FRMPD2: variants seen among roughly 807,000 people sequenced by gnomAD.
FRMPD2 encodes the protein FERM and PDZ domain-containing protein 2.
FRMPD2 carries 96 observed loss-of-function variants against 140.1 expected under a neutral mutation model. That is an observed-to-expected ratio of 0.69 (90% CI 0.58 to 0.81). FRMPD2 has a LOEUF of 0.81. Among genes scored for constraint, FRMPD2 ranks in the 40% least tolerant of loss-of-function variants. The probability of loss-of-function intolerance (pLI) is 0.00; values close to 1 mark genes in which losing one functional copy is unlikely to be tolerated. For missense variants in FRMPD2, 1,240 were observed against 1,447.4 expected (o/e 0.86, Z 2.32); for synonymous variants, 449 against 547.6 (o/e 0.82, Z 2.52).
intron 10 of FRMPD2, among the ~76,000 whole-genome samples, chr10:48,227,732 CATGCGAGAAGATTTGGCTTGA>C (rs1443819555): frequency 1.3e-5 from 2 of 152,018 alleles, no homozygotes; most frequent in Non-Finnish European, 2.9e-5. Context: ...CCTATTGGTA[CATGCGAGAAGATTTGGCTTGA>C]AGGAAGAAAA....
chr10:48,205,138 A>C (rs988078264), intron 14 of FRMPD2, among the ~76,000 whole-genome samples: 1 of 152,240 alleles, frequency 6.6e-6, no homozygotes, highest in African/African-American at 2.4e-5. Flanking sequence ...TTTTCTGCGT[A>C]AGATGCTTGG....
At chr10:48,247,192 C>T (rs1338049322) in intron 3 of FRMPD2, among the ~76,000 whole-genome samples, 1 of 152,200 alleles carries the variant, frequency 6.6e-6, no homozygotes, top group East Asian at 1.9e-4. Context: ...ATATTATTTT[C>T]CAGCTCAAAG....
chr10:48,231,854 G>T (rs1296317385), intron 10 of FRMPD2, among the ~76,000 whole-genome samples: 1 of 152,194 alleles, frequency 6.6e-6, no homozygotes, highest in Non-Finnish European at 1.5e-5. Context: ...TAACTTCAGT[G>T]CCCTGAGATC....
At chr10:48,228,339 A>G (rs1839772270) in intron 10 of FRMPD2, among the ~76,000 whole-genome samples, 1 of 151,862 alleles carries the variant, frequency 6.6e-6, no homozygotes, top group Non-Finnish European at 1.5e-5. Flanking sequence ...AAAATGGTTT[A>G]TAAAATCTTT....
At chr10:48,273,456 C>G (rs1300349044) in intron 1 of FRMPD2, among the ~76,000 whole-genome samples, 1 of 152,192 alleles carries the variant, frequency 6.6e-6, no homozygotes, top group African/African-American at 2.4e-5. Context: ...GCCAAACTGC[C>G]TGCTGTTCCC....
At chr10:48,187,538 G>A (rs1286793169) in intron 16 of FRMPD2, among the ~76,000 whole-genome samples, 1 of 152,160 alleles carries the variant, frequency 6.6e-6, no homozygotes, top group Admixed American at 6.5e-5. Flanking sequence ...GGGACACTGA[G>A]GTAACTCTGG....
At chr10:48,268,291 G>A (rs534607619) in intron 1 of FRMPD2, among the ~76,000 whole-genome samples, 20 of 152,298 alleles carry the variant, frequency 1.3e-4, no homozygotes, top group African/African-American at 4.8e-4. Context: ...GGGAATGTAA[G>A]TGGTACAGCC....
At chr10:48,176,887 A>G (rs1299101639) in intron 22 of FRMPD2, among the ~76,000 whole-genome samples, 1 of 152,084 alleles carries the variant, frequency 6.6e-6, no homozygotes, top group Admixed American at 6.5e-5. Context: ...AGGGTCCAAG[A>G]AAACACATAT....
intron 15 of FRMPD2, among the ~76,000 whole-genome samples, chr10:48,200,396 G>A (rs1260339841): frequency 1.3e-5 from 2 of 152,134 alleles, no homozygotes; most frequent in East Asian, 3.9e-4. Flanking sequence ...TCTGAACTAA[G>A]CAAGTTTGAA....
chr10:48,250,659 C>T lies in FRMPD2; in HGVS notation c.151+907G>A, dbSNP rs540097205. On this transcript the variant is annotated intron_variant, in intron 2 of 28. Coordinates refer to ENST00000374201, the MANE Select transcript of FRMPD2 (RefSeq NM_001018071.4). The stretch of plus-strand genomic sequence containing the variant: ...TTGACCTCAGGTGATCCACCCGCCT[C>T]GGTCTCCCAAAGTGCTGGGATTACA... Among the ~76,000 whole-genome samples, 79 of 152,076 alleles carry T rather than the reference C, an allele frequency of 5.2e-4. No individual in the cohort carries two copies. In the South Asian group the frequency reaches 8.3e-3, roughly 16 times the overall value.
At chr10:48,262,102 TAAC>T (rs1840601888) in intron 1 of FRMPD2, among the ~76,000 whole-genome samples, 1 of 152,102 alleles carries the variant, frequency 6.6e-6, no homozygotes, top group African/African-American at 2.4e-5. Flanking sequence ...GCTATTAATC[TAAC>T]AACATCAATA....
intron 1 of FRMPD2, among the ~76,000 whole-genome samples, chr10:48,264,168 A>G (rs1840642926): frequency 6.6e-6 from 1 of 152,068 alleles, no homozygotes; most frequent in African/African-American, 2.4e-5. Flanking sequence ...ATGTAAAAAA[A>G]AAAATCTACG....
At position 48,175,024 on chromosome 10, in the gene FRMPD2, C is replaced by T. The variant is rs1361341395; in HGVS notation, c.2990-69G>A. 4.5e-6 allele frequency: 3 copies of T among 661,608 alleles called. No individual in the cohort carries two copies. In the Admixed American group the frequency reaches 8.9e-5, roughly 20 times the overall value. The allele number at this position is 661,608 out of a possible 1,614,324, so 41.0% of individuals were successfully genotyped here. A position where few individuals can be genotyped will look rare whatever the true frequency, so the allele number is the denominator to read the frequency against. On this transcript the variant is annotated intron_variant, in intron 23 of 28. Coordinates refer to ENST00000374201, the MANE Select transcript of FRMPD2 (RefSeq NM_001018071.4). ...CTGCAGGAGGTTCCCTTCCAGGAGG[C>T]CCCTGCCCGGCACCCCTCCATGCAG...
At position 48,201,268 on chromosome 10, in the gene FRMPD2, AT is replaced by A; in HGVS notation, c.1913del (p.Asn638MetfsTer25). 6.2e-7 allele frequency: 1 copy of A among 1,613,726 alleles called. No individual in the cohort carries two copies. The highest frequency in any genetic ancestry group is 2.2e-5 in the East Asian group (1 of 44,860). On this transcript the variant is annotated frameshift_variant, in exon 15 of 29. Transcript: ENST00000374201. LOFTEE classifies it high-confidence loss of function. ...LDLCSAQHGF[N>X]AQMGSGQPSH... ...AAGGCTGCCCAGAGCCCATCTGTGC[AT>A]TAAACCCATGCTGGGCTGAGCAGAG...
chr10:48,232,705 C>T (rs542788005), intron 9 of FRMPD2, among the ~76,000 whole-genome samples: 13 of 152,310 alleles, frequency 8.5e-5, no homozygotes, highest in African/African-American at 3.1e-4. Context: ...TCCCCAGGTC[C>T]CAGCAGAGCA....
intron 12 of FRMPD2, 73 bp downstream of exon 12, chr10:48,222,240 A>G: frequency 2.0e-6 from 3 of 1,495,814 alleles, no homozygotes; most frequent in Non-Finnish European, 2.7e-6. Context: ...TCTCCACATT[A>G]CTAACACATG....
chr10:48,249,271 A>G lies in FRMPD2; in HGVS notation c.152-93T>C, dbSNP rs1840323850. 2.4e-6 allele frequency: 3 copies of G among 1,250,968 alleles called. No homozygotes were observed. In the East Asian group the frequency reaches 7.1e-5, roughly 30 times the overall value. 77.5% of individuals were successfully genotyped at this position (1,250,968 alleles called of 1,614,324 possible). ...GCCCAGCAGGTGCCTGGCAGTACCC[A>G]TCTCTGGGACTGAATGTGAGCAAGA... On this transcript the variant is annotated intron_variant, in intron 2 of 28. Coordinates refer to ENST00000374201, the MANE Select transcript of FRMPD2 (RefSeq NM_001018071.4).
At chr10:48,267,979 T>C (rs1347411136) in intron 1 of FRMPD2, among the ~76,000 whole-genome samples, 3 of 152,228 alleles carry the variant, frequency 2.0e-5, no homozygotes, top group Admixed American at 1.3e-4. Context: ...TTAGGTGCCA[T>C]GCTTAATATG....
intron 3 of FRMPD2, 159 bp downstream of exon 3, chr10:48,248,862 G>A: frequency 1.9e-6 from 1 of 532,164 alleles, no homozygotes; most frequent in Non-Finnish European, 3.2e-6. Flanking sequence ...GTAAGTTGTT[G>A]ACAAGAAATC....
Sources: allele counts gnomAD v4.1 joint callset (sites outside exome capture counted in the v4.1 genomes callset), GRCh38; gene constraint gnomAD v4.1.1; transcripts MANE v1.5; gene names NCBI Gene and HGNC (gene_info 2026-07-23, HGNC 2026-07-21).